Variants in EPAS1 observed in about 807,000 individuals in gnomAD.
EPAS1 encodes endothelial PAS domain protein 1, also known as endothelial PAS domain-containing protein 1.
Under a neutral mutation model 87.9 loss-of-function variants are expected in EPAS1, and 23 were observed. The ratio of observed to expected loss-of-function variants is 0.26; its 90% CI spans 0.19 to 0.37. The LOEUF (loss-of-function observed/expected upper bound fraction) is 0.37. Among genes scored for constraint, EPAS1 ranks in the 10% least tolerant of loss-of-function variants. EPAS1 has a pLI of 1.00. For missense variants in EPAS1, 1,138 were observed against 1,120.7 expected (o/e 1.02, Z -0.22); for synonymous variants, 508 against 444.3 (o/e 1.14, Z -1.80).
At chr2:46,321,167 CATA>C (rs1683448783) in intron 1 of EPAS1, among the ~76,000 whole-genome samples, 1 of 152,182 alleles carries the variant, frequency 6.6e-6, no homozygotes, top group East Asian at 1.9e-4. Context: ...TTTCACTTAG[CATA>C]ATGTTTTCAA....
intron 1 of EPAS1, chr2:46,335,558 T>A (rs1484814409): frequency 1.3e-5 from 2 of 152,138 alleles, no homozygotes; most frequent in Admixed American, 6.5e-5. Context: ...TTTTTTCTAA[T>A]GTTATTACCC....
intron 1 of EPAS1, among the ~76,000 whole-genome samples, chr2:46,342,130 A>T (rs1291595599): frequency 6.6e-6 from 1 of 152,152 alleles, no homozygotes; most frequent in East Asian, 1.9e-4. Context: ...ATCTCTGGGG[A>T]TAGAGCCCAG....
At chr2:46,336,529 A>T (rs1267192964) in intron 1 of EPAS1, among the ~76,000 whole-genome samples, 1 of 152,134 alleles carries the variant, frequency 6.6e-6, no homozygotes, top group Non-Finnish European at 1.5e-5. Context: ...GACTTGAAGG[A>T]GGAGAGGGAC....
intron 1 of EPAS1, 58 bp downstream of exon 1, chr2:46,297,995 G>C (rs1682919817): frequency 1.9e-6 from 3 of 1,597,842 alleles, no homozygotes; most frequent in Non-Finnish European, 2.6e-6. Flanking sequence ...CGGGCTGCGC[G>C]GGGCAGGCGC....
chr2:46,298,356 T>A (rs903343854), intron 1 of EPAS1, among the ~76,000 whole-genome samples: 3 of 152,246 alleles, frequency 2.0e-5, no homozygotes, highest in Non-Finnish European at 4.4e-5. Context: ...TATTTTTCTC[T>A]GGATTCGCGG....
In EPAS1 at chr2:46,310,756, T is replaced by C. The variant is rs57771859; in HGVS notation, c.26+12819T>C. Among the ~76,000 whole-genome samples, 545 of 152,346 alleles carry C rather than the reference T, an allele frequency of 3.6e-3. 1 individual carries two copies. The highest frequency in any genetic ancestry group is 0.013 in the African/African-American group (522 of 41,564). ...GAGAAGATTCCATTCCAGGGACCAG[T>C]AGAGGCCAGCGGGTCTCATCCAAGT... On this transcript the variant is annotated intron_variant, in intron 1 of 15. Transcript: ENST00000263734.
chr2:46,340,836 C>T (rs997869662), intron 1 of EPAS1, among the ~76,000 whole-genome samples: 2 of 152,180 alleles, frequency 1.3e-5, no homozygotes, highest in Non-Finnish European at 2.9e-5. Flanking sequence ...GATCCTCCTG[C>T]CTCAGCCTCT....
In EPAS1 at chr2:46,386,465, T is replaced by TTTGA. The variant is rs1013078007; in HGVS notation, c.*1808_*1811dup. On this transcript the variant is annotated 3_prime_UTR_variant, in exon 16 of 16. Transcript: ENST00000263734. ...GGTTACTGACGTGTAAATGCTGGTA[T>TTTGA]TTGATTTCCTGTGTGTGTTGCCCTG... is the stretch of plus-strand genomic sequence containing the variant. 43 of 152,684 alleles carry TTTGA rather than the reference T, an allele frequency of 2.8e-4. No homozygotes were observed. The highest frequency in any genetic ancestry group is 9.9e-4 in the African/African-American group (41 of 41,466). 9.5% of individuals were successfully genotyped at this position (152,684 alleles called of 1,614,324 possible). A position where few individuals can be genotyped will look rare whatever the true frequency, so the allele number is the denominator to read the frequency against.
intron 1 of EPAS1, among the ~76,000 whole-genome samples, chr2:46,335,112 G>A (rs1683762614): frequency 6.6e-6 from 1 of 152,070 alleles, no homozygotes; most frequent in Non-Finnish European, 1.5e-5. Context: ...ATGGGGGTAG[G>A]AGAGTGAGGG....
At chr2:46,344,096 T>C (rs1295564843) in intron 1 of EPAS1, among the ~76,000 whole-genome samples, 1 of 152,234 alleles carries the variant, frequency 6.6e-6, no homozygotes, top group Non-Finnish European at 1.5e-5. Flanking sequence ...AGTTTCCACA[T>C]CTCTAAACTG....
chr2:46,360,915 T>C lies in EPAS1; in HGVS notation c.604T>C (p.Tyr202His), dbSNP rs1558602136. 6.2e-7 allele frequency: 1 copy of C among 1,614,194 alleles called. No individual in the cohort carries two copies. The highest frequency in any genetic ancestry group is 8.5e-7 in the Non-Finnish European group (1 of 1,180,026). ...GCACTGCACGGGCCAGGTGAAAGTC[T>C]ACAACAACTGCCCTCCTCACAATAG... ...VLHCTGQVKV[Y>H]NNCPPHNSLC... Residue 202 changes from tyrosine to histidine, a missense_variant, in exon 6 of 16, where the codon TAC (tyrosine) becomes CAC (histidine). Transcript: ENST00000263734. This position sits in a 1 kb window ranked among gnomAD's most constrained non-coding sequence, Gnocchi z 4.5.
At chr2:46,357,468 A>C (rs1206913751) in intron 4 of EPAS1, among the ~76,000 whole-genome samples, 1 of 152,196 alleles carries the variant, frequency 6.6e-6, no homozygotes, top group Non-Finnish European at 1.5e-5. Flanking sequence ...GTAGCCAGAC[A>C]TCTTACGTGG....
At chr2:46,298,442 C>T (rs1044757322) in intron 1 of EPAS1, among the ~76,000 whole-genome samples, 5 of 152,208 alleles carry the variant, frequency 3.3e-5, no homozygotes, top group African/African-American at 1.2e-4. Flanking sequence ...GAGAGCGGCT[C>T]AGGGACACGA....
intron 1 of EPAS1, among the ~76,000 whole-genome samples, chr2:46,334,044 C>T (rs1683740299): frequency 6.6e-6 from 1 of 152,294 alleles, no homozygotes; most frequent in South Asian, 2.1e-4. Flanking sequence ...GCTGAGGCTC[C>T]AGCCTGTGGC....
chr2:46,362,798 G>A (rs968231093), intron 6 of EPAS1, among the ~76,000 whole-genome samples: 2 of 152,218 alleles, frequency 1.3e-5, no homozygotes, highest in Admixed American at 6.5e-5. Flanking sequence ...CTGTCCTTCA[G>A]TTCTGACCAC....
chr2:46,336,078 C>T (rs1451353562), intron 1 of EPAS1, among the ~76,000 whole-genome samples: 3 of 152,158 alleles, frequency 2.0e-5, no homozygotes, highest in African/African-American at 7.2e-5. Flanking sequence ...CTAAGCCGCC[C>T]CAGCTGCAGC....
rs1359183016 is a variant in EPAS1 at position 46,377,968 on chromosome 2, T to C, written c.1324T>C (p.Leu442=). The stretch of plus-strand genomic sequence containing the variant: ...CCCGAGCCAGCCATGGGCCACGGAG[T>C]TGAGGAGCCACAGCACCCAGAGCGA... ...LPPSQPWATE[L]RSHSTQSEAG... is the part of the protein sequence containing the mutation. The change falls in exon 10 of 16, where the codon TTG becomes CTG. Residue 442 remains leucine (L), a synonymous_variant. Coordinates refer to ENST00000263734, the MANE Select transcript of EPAS1 (RefSeq NM_001430.5). 1.9e-6 allele frequency: 3 copies of C among 1,568,480 alleles called. No homozygotes were observed. The highest frequency in any genetic ancestry group is 1.9e-5 in the Admixed American group (1 of 53,850).
intron 14 of EPAS1, 28 bp downstream of exon 14, chr2:46,382,117 CCTGGGGGTT>C: frequency 6.2e-7 from 1 of 1,603,858 alleles, no homozygotes; most frequent in Non-Finnish European, 8.5e-7. Flanking sequence ...GCCTGGGCCT[CCTGGGGGTT>C]CTGGTGGAAG....
intron 12 of EPAS1, chr2:46,381,149 C>T (rs1007722725): frequency 8.6e-6 from 3 of 347,484 alleles, no homozygotes; most frequent in African/African-American, 2.1e-5. Flanking sequence ...GCCTAGGCTC[C>T]AGAAATGCCT....
Sources: gnomAD v4.1 joint callset for allele counts (sites outside exome capture counted in the v4.1 genomes callset) on GRCh38, gnomAD v4.1.1 for gene constraint, Gnocchi (gnomAD v3.1) non-coding constraint, MANE v1.5 for transcripts, NCBI Gene and HGNC (gene_info 2026-07-23, HGNC 2026-07-21) for gene names.